The following TRIM33 variants were observed in gnomAD, a reference collection of about 807,000 sequenced individuals.
TRIM33 encodes the protein E3 ubiquitin-protein ligase TRIM33.
In TRIM33, 20 loss-of-function variants were observed where a neutral mutation model predicts 125.4. The ratio of observed to expected loss-of-function variants is 0.16; its 90% CI spans 0.11 to 0.23. The LOEUF (loss-of-function observed/expected upper bound fraction) is 0.23, where lower values mean the gene tolerates loss of function less well. Ranked by LOEUF, TRIM33 falls within the 10% of genes least tolerant of loss-of-function variation. The pLI, the probability that TRIM33 is intolerant of heterozygous loss-of-function variation, is 1.00. For synonymous variants in TRIM33, 564 were observed against 513.9 expected (o/e 1.10, Z -1.32); for missense variants, 920 against 1,411.4 (o/e 0.65, Z 5.58).
Position 114,410,197 on chromosome 1 carries a change from A to G in TRIM33, c.2181T>C (p.Ser727=). 6.2e-7 allele frequency: 1 copy of G among 1,613,958 alleles called. No homozygotes were observed. The highest frequency in any genetic ancestry group is 1.3e-5 in the African/African-American group (1 of 74,994). ...MNPSPGPSAL[S]PGSSGLSNSH... ...CGTTTGCTTTACCTGATGATCCCGGAGAAAGGGCAGAGGGACCTGGAGAAG... is the reference window on the plus strand; with the variant it reads ...CGTTTGCTTTACCTGATGATCCCGGGGAAAGGGCAGAGGGACCTGGAGAAG... The change falls in exon 12 of 20, where the codon TCT becomes TCC. Residue 727 remains serine, a synonymous_variant. Coordinates refer to ENST00000358465, the MANE Select transcript of TRIM33 (RefSeq NM_015906.4).
chr1:114,446,651 C>T (rs906053306), intron 4 of TRIM33, among the ~76,000 whole-genome samples: 37 of 151,820 alleles, frequency 2.4e-4, no homozygotes, highest in African/African-American at 8.2e-4. Flanking sequence ...AAAGAGACAA[C>T]AAAAGAACAA....
At chr1:114,406,077 C>T (rs554404462) in intron 14 of TRIM33, among the ~76,000 whole-genome samples, 2 of 152,260 alleles carry the variant, frequency 1.3e-5, no homozygotes, top group East Asian at 3.9e-4. Flanking sequence ...TGGCACACCC[C>T]TTTTCACACC....
intron 11 of TRIM33, chr1:114,420,420 T>C (rs763195120): frequency 3.2e-5 from 43 of 1,334,930 alleles, no homozygotes; most frequent in Non-Finnish European, 2.9e-5. Flanking sequence ...TCCAAACTCA[T>C]ACCAGGAGTG....
chr1:114,414,054 C>T (rs1166728798), intron 11 of TRIM33, among the ~76,000 whole-genome samples: 1 of 151,550 alleles, frequency 6.6e-6, no homozygotes, highest in African/African-American at 2.4e-5. Context: ...CACACACACA[C>T]ACACACACAC....
intron 13 of TRIM33, 114 bp downstream of exon 13, chr1:114,408,563 C>G (rs1652390841): frequency 1.5e-6 from 1 of 650,266 alleles, no homozygotes; most frequent in African/African-American, 1.9e-5. Context: ...TATTTGATCA[C>G]TGTTAAAGCT....
chr1:114,419,218 AAAAG>A lies in TRIM33; in HGVS notation c.2061+2214_2061+2217del, dbSNP rs1553208022. Among the ~76,000 whole-genome samples the A allele has an allele frequency of 5.4e-4, 80 of 148,302 alleles. No individual in the cohort carries two copies. In the South Asian group the frequency reaches 8.1e-3, roughly 15 times the overall value. On this transcript the variant is annotated intron_variant, in intron 11 of 19. Coordinates refer to ENST00000358465, the MANE Select transcript of TRIM33 (RefSeq NM_015906.4). ...ACCATCTCAAAAAAAAAAAAAAAAAAAAAGAAAGAAAGAATGAAAAAGAAAAAGA... is the reference window on the plus strand; with the variant it reads ...ACCATCTCAAAAAAAAAAAAAAAAAAAAAGAAAGAATGAAAAAGAAAAAGA...
chr1:114,461,904 T>G (rs905401790), intron 4 of TRIM33, among the ~76,000 whole-genome samples: 3 of 152,186 alleles, frequency 2.0e-5, no homozygotes, highest in African/African-American at 7.2e-5. Flanking sequence ...ATAAATATAC[T>G]GTAAAGCTGT....
intron 4 of TRIM33, among the ~76,000 whole-genome samples, chr1:114,452,442 G>C (rs931682337): frequency 6.6e-6 from 1 of 151,706 alleles, no homozygotes; most frequent in African/African-American, 2.4e-5. Flanking sequence ...CCTGGCAACA[G>C]AGTGAGACTC....
chr1:114,424,858 T>A (rs1057057837), intron 9 of TRIM33, 103 bp from the exon 10 acceptor site: 4 of 872,980 alleles, frequency 4.6e-6, no homozygotes, highest in Admixed American at 7.2e-5. Flanking sequence ...TAAAAGGGTA[T>A]AAAGTAAAAA....
chr1:114,510,412 G>A (rs1486573265), intron 1 of TRIM33, 139 bp downstream of exon 1: 6 of 726,030 alleles, frequency 8.3e-6, no homozygotes, highest in East Asian at 3.3e-5. Context: ...AGTGTCCCAG[G>A]GGCGAGTCTT....
intron 2 of TRIM33, among the ~76,000 whole-genome samples, chr1:114,463,796 T>C (rs1457244424): frequency 1.4e-5 from 2 of 142,152 alleles, no homozygotes; most frequent in Non-Finnish European, 3.0e-5. Flanking sequence ...TGAGACAGGC[T>C]CTCGCTCTGT....
intron 17 of TRIM33, among the ~76,000 whole-genome samples, chr1:114,400,267 T>C (rs1651792603): frequency 6.6e-6 from 1 of 152,186 alleles, no homozygotes. Flanking sequence ...AGTGGTGCAG[T>C]GGCGCCAACT....
intron 1 of TRIM33, among the ~76,000 whole-genome samples, chr1:114,494,910 A>AGTTGTT (rs113782004): frequency 0.024 from 3,646 of 152,116 alleles, 136 homozygotes; most frequent in African/African-American, 0.083. Context: ...AGAATAGAGT[A>AGTTGTT]GTTGTTGTTG....
Position 114,393,856 on chromosome 1 carries a change from T to G in TRIM33, c.*3792A>C, listed in dbSNP as rs1651407166. 1 of 211,528 alleles carries G rather than the reference T, an allele frequency of 4.7e-6. No homozygotes were observed. Among genetic ancestry groups the G allele is most frequent in the Non-Finnish European group, 9.6e-6 (1 of 104,168 alleles). 13.1% of individuals were successfully genotyped at this position (211,528 alleles called of 1,614,324 possible). ...AGTGTCATTACTTCCAGCATACATTTAAATTTCTTAATTTTTAAAAGATAG... is the reference window on the plus strand; with the variant it reads ...AGTGTCATTACTTCCAGCATACATTGAAATTTCTTAATTTTTAAAAGATAG... On this transcript the variant is annotated 3_prime_UTR_variant, in exon 20 of 20. Coordinates refer to ENST00000358465, the MANE Select transcript of TRIM33 (RefSeq NM_015906.4).
At chr1:114,477,514 A>G (rs941145359) in intron 1 of TRIM33, among the ~76,000 whole-genome samples, 1 of 152,214 alleles carries the variant, frequency 6.6e-6, no homozygotes, top group African/African-American at 2.4e-5. Context: ...TTTGAGTCTT[A>G]GTTTCCCCTT....
chr1:114,503,142 G>A (rs1652807498), intron 1 of TRIM33, among the ~76,000 whole-genome samples: 4 of 152,118 alleles, frequency 2.6e-5, no homozygotes, highest in Admixed American at 2.6e-4. Flanking sequence ...TTGCAATGTG[G>A]CATCTCAAAC....
chr1:114,438,915 A>G (rs551829144), intron 4 of TRIM33, among the ~76,000 whole-genome samples: 40 of 152,334 alleles, frequency 2.6e-4, no homozygotes, highest in African/African-American at 9.6e-4. Context: ...GGGAGATGAT[A>G]ACAACCATAA....
chr1:114,510,321 G>C (rs976506917), intron 1 of TRIM33, among the ~76,000 whole-genome samples: 4 of 152,112 alleles, frequency 2.6e-5, no homozygotes, highest in Non-Finnish European at 5.9e-5. Flanking sequence ...CTCGGAGCCA[G>C]TGTCCCCTCC....
At position 114,424,767 on chromosome 1, in the gene TRIM33, A is replaced by T. The variant is rs939872456; in HGVS notation, c.1696-12T>A. ...ATCAATCGAGGAGGCTACAAAAAGT[A>T]GAAATTGCAATTTATGTAATAATTT... On this transcript the variant is annotated splice_polypyrimidine_tract_variant and intron_variant, in intron 9 of 19. Transcript: ENST00000358465. 1 of 1,464,360 alleles carries T rather than the reference A, an allele frequency of 6.8e-7. No homozygotes were observed. The highest frequency in any genetic ancestry group is 9.1e-7 in the Non-Finnish European group (1 of 1,101,196). 90.7% of individuals were successfully genotyped at this position (1,464,360 alleles called of 1,614,324 possible).
Sources: allele counts gnomAD v4.1 joint callset (sites outside exome capture counted in the v4.1 genomes callset), GRCh38; gene constraint gnomAD v4.1.1; transcripts MANE v1.5; gene names NCBI Gene and HGNC (gene_info 2026-07-23, HGNC 2026-07-21).